The following QSOX1 variants were observed in gnomAD, a reference collection of about 807,000 sequenced individuals.
QSOX1 encodes quiescin sulfhydryl oxidase 1.
A neutral mutation model predicts 76.1 loss-of-function variants in QSOX1; 40 were observed. The ratio of observed to expected loss-of-function variants is 0.53; its 90% CI spans 0.41 to 0.68. The LOEUF (loss-of-function observed/expected upper bound fraction) is 0.68. Among genes scored for constraint, QSOX1 ranks in the 30% least tolerant of loss-of-function variants. The pLI is 0.00. For synonymous variants in QSOX1, 392 were observed against 413.1 expected (o/e 0.95, Z 0.62); for missense variants, 931 against 974.3 (o/e 0.96, Z 0.59).
At chr1:180,175,650 G>C (rs1343707794) in intron 3 of QSOX1, among the ~76,000 whole-genome samples, 1 of 152,172 alleles carries the variant, frequency 6.6e-6, no homozygotes, top group Non-Finnish European at 1.5e-5. Context: ...TGGGGTTGGC[G>C]CCCAGAGAGC....
In QSOX1 at chr1:180,197,480, C is replaced by T; in HGVS notation, c.*443C>T. On this transcript the variant is annotated 3_prime_UTR_variant, in exon 12 of 12. Coordinates refer to ENST00000367602, the MANE Select transcript of QSOX1 (RefSeq NM_002826.5). ...CCTCACTAGCTGCTGGGGCTCCGCC[C>T]ACCCTGCTCCCTTCCGGACAATGAA... is the stretch of plus-strand genomic sequence containing the variant. The T allele has an allele frequency of 7.6e-7, 1 of 1,312,694 alleles. No individual in the cohort carries two copies. The highest frequency in any genetic ancestry group is 1.1e-6 in the Non-Finnish European group (1 of 928,430). 81.3% of individuals were successfully genotyped at this position (1,312,694 alleles called of 1,614,324 possible).
At position 180,198,434 on chromosome 1, in the gene QSOX1, C is replaced by T. The variant is rs11811149; in HGVS notation, c.*1397C>T. 2.2e-6 allele frequency: 1 copy of T among 455,354 alleles called. No homozygotes were observed. Among genetic ancestry groups the T allele is most frequent in the South Asian group, 1.5e-5 (1 of 64,554 alleles). 28.2% of individuals were successfully genotyped at this position (455,354 alleles called of 1,614,324 possible). On this transcript the variant is annotated 3_prime_UTR_variant, in exon 12 of 12. Coordinates refer to ENST00000367602, the MANE Select transcript of QSOX1 (RefSeq NM_002826.5). ...GAGAGCCTGCCCCTAATCCGGCCTG[C>T]TGGGTTTTACAAGGATCAGAGCTGC...
chr1:180,197,012 G>C lies in QSOX1; in HGVS notation c.2219G>C (p.Gly740Ala). 6.2e-7 allele frequency: 1 copy of C among 1,611,134 alleles called. No homozygotes were observed. Among genetic ancestry groups the C allele is most frequent in the Non-Finnish European group, 8.5e-7 (1 of 1,178,664 alleles). Reference sequence around the variant, plus strand: ...CAGGCCAAGATAAGGGCCCTGAAGGGCCATGCTGGCCACCCTGCAGCCTGA... The same window carrying C: ...CAGGCCAAGATAAGGGCCCTGAAGGCCCATGCTGGCCACCCTGCAGCCTGA... ...YFQAKIRALK[G>A]HAGHPAA Residue 740 changes from glycine to alanine, a missense_variant, in exon 12 of 12, where the codon GGC becomes GCC. Coordinates refer to ENST00000367602, the MANE Select transcript of QSOX1 (RefSeq NM_002826.5).
At chr1:180,195,217 G>A (rs1161957346) in intron 11 of QSOX1, among the ~76,000 whole-genome samples, 1 of 152,076 alleles carries the variant, frequency 6.6e-6, no homozygotes, top group Non-Finnish European at 1.5e-5. Context: ...TGCTGCTGGA[G>A]GGCCAGGAGC....
chr1:180,190,317 A>T, intron 9 of QSOX1, 116 bp from the exon 10 acceptor site: 1 of 1,183,488 alleles, frequency 8.4e-7, no homozygotes, highest in Non-Finnish European at 1.2e-6. Flanking sequence ...GCCACCTTCG[A>T]GGTGATAGAC....
chr1:180,182,629 G>C (rs1307397169), intron 6 of QSOX1, among the ~76,000 whole-genome samples: 1 of 152,140 alleles, frequency 6.6e-6, no homozygotes, highest in Non-Finnish European at 1.5e-5. Context: ...TCTGTTCGCA[G>C]GCAGACTCAT....
At chr1:180,184,498 A>G (rs3843272) in intron 7 of QSOX1, among the ~76,000 whole-genome samples, 21,082 of 152,034 alleles carry the variant, frequency 0.14, 1,617 homozygotes, top group Middle Eastern at 0.22. Flanking sequence ...CAGACCCTAC[A>G]GCATCCCTTC....
intron 1 of QSOX1, among the ~76,000 whole-genome samples, chr1:180,159,899 G>C (rs1430852005): frequency 6.6e-6 from 1 of 152,204 alleles, no homozygotes; most frequent in African/African-American, 2.4e-5. Flanking sequence ...ACCTAGGTGA[G>C]AGTTACTAAA....
At chr1:180,164,304 G>T (rs12403079) in intron 1 of QSOX1, among the ~76,000 whole-genome samples, 5 of 152,014 alleles carry the variant, frequency 3.3e-5, no homozygotes, top group Admixed American at 3.3e-4. Flanking sequence ...GTGTGGTGGG[G>T]GGGTGTTGAG....
At position 180,202,185 on chromosome 1, in the gene QSOX1, G is replaced by A. The variant is rs953922959; in HGVS notation, c.*5148G>A. On this transcript the variant is annotated 3_prime_UTR_variant, in exon 12 of 12. Coordinates refer to ENST00000367602, the MANE Select transcript of QSOX1 (RefSeq NM_002826.5). ...GGCATTGACCTTACTTAGGTGAGGAGGACTCAGGGAACATCTACAGACTCT... is the reference window on the plus strand; with the variant it reads ...GGCATTGACCTTACTTAGGTGAGGAAGACTCAGGGAACATCTACAGACTCT... 1.3e-5 allele frequency: 2 copies of A among 152,274 alleles called. No individual in the cohort carries two copies. Among genetic ancestry groups the A allele is most frequent in the African/African-American group, 4.8e-5 (2 of 41,442 alleles). The allele number at this position is 152,274 out of a possible 1,614,324, so 9.4% of individuals were successfully genotyped here. A position where few individuals can be genotyped will look rare whatever the true frequency, so the allele number is the denominator to read the frequency against.
chr1:180,197,010 G>A lies in QSOX1; in HGVS notation c.2217G>A (p.Lys739=). The A allele has an allele frequency of 1.2e-6, 2 of 1,611,432 alleles. No homozygotes were observed. Among genetic ancestry groups the A allele is most frequent in the South Asian group, 1.1e-5 (1 of 90,820 alleles). Residue 739 remains lysine, a synonymous_variant, in exon 12 of 12, where the codon AAG becomes AAA. Coordinates refer to ENST00000367602, the MANE Select transcript of QSOX1 (RefSeq NM_002826.5). ...TCCAGGCCAAGATAAGGGCCCTGAA[G>A]GGCCATGCTGGCCACCCTGCAGCCT... ...TYFQAKIRAL[K]GHAGHPAA is the part of the protein sequence containing the mutation.
rs1228520344 is a variant in QSOX1, at chr1:180,184,046, G to C, written c.883G>C (p.Asp295His). Residue 295 changes from aspartate to histidine, a missense_variant, in exon 7 of 12, where the codon GAT becomes CAT. Physicochemically the swap from Asp to His is moderately conservative, Grantham distance 81. Coordinates refer to ENST00000367602, the MANE Select transcript of QSOX1 (RefSeq NM_002826.5). ...AGCTCCCACTGTTTGGAAATTGGCAGATCGGTAAGGCTACGCCTGGTTCTC... is the reference window on the plus strand; with the variant it reads ...AGCTCCCACTGTTTGGAAATTGGCACATCGGTAAGGCTACGCCTGGTTCTC... ...KIAPTVWKLADRSKIYMADLE... is the reference protein window; with the variant it reads ...KIAPTVWKLAHRSKIYMADLE... 4 of 1,614,022 alleles carry C rather than the reference G, an allele frequency of 2.5e-6. No homozygotes were observed. The African/African-American group carries it at 5.3e-5, about 22-fold the overall frequency.
At chr1:180,191,828 C>G (rs963841635) in intron 10 of QSOX1, among the ~76,000 whole-genome samples, 1 of 152,146 alleles carries the variant, frequency 6.6e-6, no homozygotes, top group Non-Finnish European at 1.5e-5. Flanking sequence ...GCTGCACTCA[C>G]AAATGTCAGG....
intron 2 of QSOX1, among the ~76,000 whole-genome samples, chr1:180,174,069 T>G (rs971860286): frequency 1.3e-5 from 2 of 152,112 alleles, no homozygotes; most frequent in African/African-American, 4.8e-5. Flanking sequence ...AGGAAACCAG[T>G]GTTTGGCTGT....
At chr1:180,179,122 T>C (rs1368729099) in intron 5 of QSOX1, among the ~76,000 whole-genome samples, 3 of 152,258 alleles carry the variant, frequency 2.0e-5, no homozygotes, top group South Asian at 2.1e-4. Context: ...CCTGCTGTTA[T>C]TGAGCATTGG....
At chr1:180,157,163 G>T (rs1173645416) in intron 1 of QSOX1, among the ~76,000 whole-genome samples, 1 of 152,238 alleles carries the variant, frequency 6.6e-6, no homozygotes, top group Non-Finnish European at 1.5e-5. Flanking sequence ...GAAATGGAAG[G>T]ATCAAAGTCT....
At position 180,202,376 on chromosome 1, in the gene QSOX1, C is replaced by T. The variant is rs1410791832; in HGVS notation, c.*5339C>T. On this transcript the variant is annotated 3_prime_UTR_variant, in exon 12 of 12. Coordinates refer to ENST00000367602, the MANE Select transcript of QSOX1 (RefSeq NM_002826.5). ...CTGCCTATTAAACCTCCTGCCTCCC[C>T]TGCTGCAGTGCTTTGATGCCTTTCA... 6.6e-6 allele frequency: 1 copy of T among 152,258 alleles called. No individual in the cohort carries two copies. The highest frequency in any genetic ancestry group is 2.4e-5 in the African/African-American group (1 of 41,440). 9.4% of individuals were successfully genotyped at this position (152,258 alleles called of 1,614,324 possible).
In QSOX1 at chr1:180,195,048, GT is replaced by G. The variant is rs1358585553; in HGVS notation, c.1468+657del. ...AGGTTAAAGGAGCTGAATGGAGCAGGTGGTGGTGCAGGCGCCTGCACTTGGT... is the reference window on the plus strand; with the variant it reads ...AGGTTAAAGGAGCTGAATGGAGCAGGGGTGGTGCAGGCGCCTGCACTTGGT... On this transcript the variant is annotated intron_variant, in intron 11 of 11. Coordinates refer to ENST00000367602, the MANE Select transcript of QSOX1 (RefSeq NM_002826.5). Among the ~76,000 whole-genome samples the G allele has an allele frequency of 1.6e-4, 25 of 152,116 alleles. 2 individuals carry two copies. The highest frequency in any genetic ancestry group is 1.5e-5 in the Non-Finnish European group (1 of 68,004).
intron 5 of QSOX1, among the ~76,000 whole-genome samples, chr1:180,180,951 T>C (rs948245377): frequency 5.9e-5 from 9 of 152,202 alleles, no homozygotes; most frequent in Non-Finnish European, 1.3e-4. Flanking sequence ...ATTGTTGTTA[T>C]TATTATTTTG....
Sources: allele counts gnomAD v4.1 joint callset (sites outside exome capture counted in the v4.1 genomes callset), GRCh38; gene constraint gnomAD v4.1.1; transcripts MANE v1.5; gene names NCBI Gene and HGNC (gene_info 2026-07-23, HGNC 2026-07-21).